MSI2: variants seen among roughly 807,000 people sequenced by gnomAD.
The protein encoded by MSI2 is musashi RNA binding protein 2, also known as RNA-binding protein Musashi homolog 2.
In MSI2, 17 loss-of-function variants were observed where a neutral mutation model predicts 45.6. The observed-to-expected ratio is 0.37, with a 90% CI of 0.26 to 0.56. MSI2 has a LOEUF of 0.56. Among genes scored for constraint, MSI2 ranks in the 20% least tolerant of loss-of-function variants. The pLI, the probability that MSI2 is intolerant of heterozygous loss-of-function variation, is 0.77. For synonymous variants in MSI2, 156 were observed against 158.2 expected (o/e 0.99, Z 0.11); for missense variants, 293 against 444.2 (o/e 0.66, Z 3.06).
chr17:57,498,735 T>C (rs893801840), intron 6 of MSI2, among the ~76,000 whole-genome samples: 2 of 152,228 alleles, frequency 1.3e-5, no homozygotes, highest in Non-Finnish European at 2.9e-5. Flanking sequence ...AATTCACTTT[T>C]TAATTAGTTC....
intron 5 of MSI2, 146 bp downstream of exon 5, chr17:57,262,338 T>G (rs1051805122): frequency 6.3e-6 from 5 of 789,598 alleles, no homozygotes; most frequent in Non-Finnish European, 1.0e-5. Context: ...CAAGTAGTCC[T>G]GTGAGATAAC....
At chr17:57,594,702 G>A (rs573787242) in intron 7 of MSI2, among the ~76,000 whole-genome samples, 8 of 152,292 alleles carry the variant, frequency 5.3e-5, no homozygotes, top group African/African-American at 1.7e-4. Context: ...CCTGGTGAAA[G>A]GTTTTTTTGT....
chr17:57,388,898 C>A (rs2083732424), intron 5 of MSI2, among the ~76,000 whole-genome samples: 1 of 152,002 alleles, frequency 6.6e-6, no homozygotes, highest in Admixed American at 6.6e-5. Context: ...AAGTGATCCA[C>A]CTGCCTCTGC....
chr17:57,461,012 T>C (rs1034532969), intron 6 of MSI2, among the ~76,000 whole-genome samples: 3 of 152,070 alleles, frequency 2.0e-5, no homozygotes, highest in Non-Finnish European at 4.4e-5. Context: ...GGTGCTTTGG[T>C]GGAAAGTTAA....
intron 5 of MSI2, among the ~76,000 whole-genome samples, chr17:57,360,890 G>A (rs1394117979): frequency 2.0e-5 from 3 of 152,202 alleles, no homozygotes; most frequent in South Asian, 2.1e-4. Flanking sequence ...TATGGGATGC[G>A]TAGATGCCAC....
At chr17:57,366,540 T>A (rs1366371058) in intron 5 of MSI2, among the ~76,000 whole-genome samples, 1 of 152,170 alleles carries the variant, frequency 6.6e-6, no homozygotes, top group African/African-American at 2.4e-5. Flanking sequence ...GAGGGCCAAG[T>A]TTACAACAGA....
chr17:57,660,792 T>A (rs575774615), intron 11 of MSI2, among the ~76,000 whole-genome samples: 2 of 152,310 alleles, frequency 1.3e-5, no homozygotes. Flanking sequence ...GAGGCCCTGC[T>A]TTATTCTGGC....
intron 7 of MSI2, among the ~76,000 whole-genome samples, chr17:57,585,303 T>A (rs987854865): frequency 6.6e-6 from 1 of 152,130 alleles, no homozygotes; most frequent in Non-Finnish European, 1.5e-5. Context: ...AAAGTAAGCA[T>A]GTGTGGAGAT....
At chr17:57,584,158 C>G (rs373331814) in intron 7 of MSI2, among the ~76,000 whole-genome samples, 1 of 152,178 alleles carries the variant, frequency 6.6e-6, no homozygotes, top group Non-Finnish European at 1.5e-5. Flanking sequence ...CTGTCACTAT[C>G]CCAGGCCTTT....
chr17:57,266,231 A>G (rs1907757116), intron 5 of MSI2: 1 of 152,204 alleles, frequency 6.6e-6, no homozygotes, highest in Non-Finnish European at 1.5e-5. Context: ...TTTGTAAAAG[A>G]GGGAGAATTA....
At chr17:57,257,042 G>A in intron 1 of MSI2, 56 bp from the exon 2 acceptor site, 7 of 1,533,550 alleles carry the variant, frequency 4.6e-6, no homozygotes, top group Non-Finnish European at 5.3e-6. Context: ...TAAGTTACAC[G>A]TCAAAATGGC....
intron 6 of MSI2, among the ~76,000 whole-genome samples, chr17:57,494,682 A>G (rs1246691099): frequency 6.6e-6 from 1 of 152,096 alleles, no homozygotes; most frequent in Non-Finnish European, 1.5e-5. Context: ...TGAAGTAGGT[A>G]CCTGCCTCTT....
At chr17:57,311,682 C>T (rs865876677) in intron 5 of MSI2, among the ~76,000 whole-genome samples, 45 of 152,158 alleles carry the variant, frequency 3.0e-4, no homozygotes, top group African/African-American at 9.9e-4. Context: ...GCCCAAGTAG[C>T]TGAGACTACA....
At chr17:57,470,567 C>T (rs574093606) in intron 6 of MSI2, among the ~76,000 whole-genome samples, 2 of 152,334 alleles carry the variant, frequency 1.3e-5, no homozygotes, top group East Asian at 3.9e-4. Flanking sequence ...CATAAGCCAC[C>T]TTGCCTGGCC....
At chr17:57,575,824 A>G (rs954129876) in intron 7 of MSI2, among the ~76,000 whole-genome samples, 1 of 152,062 alleles carries the variant, frequency 6.6e-6, no homozygotes, top group African/African-American at 2.4e-5. Flanking sequence ...AGGCGCCTGT[A>G]GTCCCAGCTA....
chr17:57,619,673 G>A (rs1007304637), intron 9 of MSI2, among the ~76,000 whole-genome samples: 4 of 152,156 alleles, frequency 2.6e-5, no homozygotes, highest in African/African-American at 4.8e-5. Flanking sequence ...GGGCAGACCC[G>A]AGTGGCCCCT....
chr17:57,497,440 A>C (rs2086003267), intron 6 of MSI2, among the ~76,000 whole-genome samples: 1 of 152,218 alleles, frequency 6.6e-6, no homozygotes, highest in Admixed American at 6.5e-5. Flanking sequence ...TGAACCAGGA[A>C]GGTGCTGGGT....
At chr17:57,324,080 G>T (rs1913576894) in intron 5 of MSI2, among the ~76,000 whole-genome samples, 1 of 152,194 alleles carries the variant, frequency 6.6e-6, no homozygotes, top group African/African-American at 2.4e-5. Flanking sequence ...AACTGAGGTG[G>T]GAGGGTCGCT....
At chr17:57,413,822 C>T (rs979365056) in intron 6 of MSI2, among the ~76,000 whole-genome samples, 3 of 151,990 alleles carry the variant, frequency 2.0e-5, no homozygotes, top group Admixed American at 6.5e-5. Flanking sequence ...TTGAAAAGCT[C>T]CGCAATGTAG....
Sources: allele counts gnomAD v4.1 joint callset (sites outside exome capture counted in the v4.1 genomes callset), GRCh38; gene constraint gnomAD v4.1.1; transcripts MANE v1.5; gene names NCBI Gene and HGNC (gene_info 2026-07-23, HGNC 2026-07-21).